Variants in CLCC1 observed in about 807,000 individuals in gnomAD.
CLCC1 encodes the protein chloride channel CLIC-like protein 1.
CLCC1 carries 39 observed loss-of-function variants against 63.3 expected under a neutral mutation model. That is an observed-to-expected ratio of 0.62 (90% CI 0.48 to 0.81). The LOEUF is 0.81. CLCC1 is among the 30% of genes least tolerant of loss of function. CLCC1 has a pLI of 0.00. For missense variants in CLCC1, 549 were observed against 669.4 expected (o/e 0.82, Z 1.98); for synonymous variants, 217 against 239.8 (o/e 0.90, Z 0.88).
At chr1:108,942,901 T>TA (rs1046310013) in intron 7 of CLCC1, among the ~76,000 whole-genome samples, 2 of 152,120 alleles carry the variant, frequency 1.3e-5, no homozygotes, top group African/African-American at 4.8e-5. Flanking sequence ...TGTATCCACA[T>TA]AGCTTTATTC....
chr1:108,957,942 A>G (rs1656121717), intron 2 of CLCC1, among the ~76,000 whole-genome samples: 1 of 151,408 alleles, frequency 6.6e-6, no homozygotes, highest in Admixed American at 6.5e-5. Context: ...GATCAGAAAG[A>G]AGAGGAGGAA....
rs772657675 is a variant in CLCC1, at chr1:108,939,633, A to C, written c.1041+3T>G. On this transcript the variant is annotated splice_donor_region_variant and intron_variant, in intron 10 of 12. Coordinates refer to ENST00000369969, the MANE Select transcript of CLCC1 (RefSeq NM_001377458.1). Reference sequence around the variant, plus strand: ...CCGACAGTGCTAATATATTAATACTAACCAGGATGGCTAATGCCATAATTA... The same window carrying C: ...CCGACAGTGCTAATATATTAATACTCACCAGGATGGCTAATGCCATAATTA... 52 of 1,613,668 alleles carry C rather than the reference A, an allele frequency of 3.2e-5. No homozygotes were observed. The Admixed American group carries it at 8.7e-4, about 27-fold the overall frequency.
chr1:108,943,033 C>G (rs1654041959), intron 7 of CLCC1, among the ~76,000 whole-genome samples: 1 of 152,060 alleles, frequency 6.6e-6, no homozygotes, highest in Non-Finnish European at 1.5e-5. Context: ...CCTCAGCCTG[C>G]TGAGTAGCTG....
At chr1:108,934,576 A>C in intron 12 of CLCC1, 49 bp downstream of exon 12, 1 of 1,434,476 alleles carries the variant, frequency 7.0e-7, no homozygotes, top group Non-Finnish European at 9.4e-7. Context: ...CCTTTGTAGT[A>C]ATCAGAATTC....
rs777860783 is a variant in CLCC1 at position 108,950,457 on chromosome 1, ATTT to A, written c.-11-12_-11-10del. The A allele has an allele frequency of 2.0e-6, 3 of 1,474,252 alleles. No individual in the cohort carries two copies. The highest frequency in any genetic ancestry group is 2.7e-6 in the Non-Finnish European group (3 of 1,101,062). The allele number at this position is 1,474,252 out of a possible 1,614,324, so 91.3% of individuals were successfully genotyped here. ...CAGCATCCTGTATAAGGCTAAAACAATTTTTAATATATATAATGAAATAGAATT... is the reference window on the plus strand; with the variant it reads ...CAGCATCCTGTATAAGGCTAAAACAATTAATATATATAATGAAATAGAATT... On this transcript the variant is annotated splice_polypyrimidine_tract_variant and intron_variant, in intron 2 of 12. Coordinates refer to ENST00000369969, the MANE Select transcript of CLCC1 (RefSeq NM_001377458.1).
chr1:108,941,276 T>C (rs1412337926), intron 8 of CLCC1, 129 bp downstream of exon 8: 3 of 815,732 alleles, frequency 3.7e-6, no homozygotes, highest in Admixed American at 2.6e-5. Context: ...AAATGCTTCT[T>C]GCATGTTCTT....
chr1:108,950,190 G>T, intron 3 of CLCC1, 119 bp downstream of exon 3: 1 of 1,003,222 alleles, frequency 1.0e-6, no homozygotes. Flanking sequence ...AAAATATTCT[G>T]CATAATTGCT....
chr1:108,939,933 AT>A, intron 9 of CLCC1, 111 bp downstream of exon 9: 1 of 1,277,812 alleles, frequency 7.8e-7, no homozygotes, highest in Non-Finnish European at 1.1e-6. Context: ...GTGCAAAAGT[AT>A]TTTTTCTTGG....
intron 7 of CLCC1, 123 bp from the exon 8 acceptor site, chr1:108,941,621 T>C: frequency 2.0e-6 from 1 of 503,902 alleles, no homozygotes; most frequent in East Asian, 3.4e-5. Context: ...GTTATAAATT[T>C]TTAATTAAAA....
intron 4 of CLCC1, among the ~76,000 whole-genome samples, chr1:108,948,559 G>A (rs531264799): frequency 6.6e-6 from 1 of 151,760 alleles, no homozygotes; most frequent in Non-Finnish European, 1.5e-5. Flanking sequence ...ACTGAGCAGA[G>A]AAGGAAATAG....
Position 108,937,074 on chromosome 1 carries a change from T to TA in CLCC1, c.1383+2dup, listed in dbSNP as rs1461500382. 4.0e-6 allele frequency: 6 copies of TA among 1,486,106 alleles called. No individual in the cohort carries two copies. Among genetic ancestry groups the TA allele is most frequent in the South Asian group, 1.5e-5 (1 of 68,526 alleles). The allele number at this position is 1,486,106 out of a possible 1,614,324, so 92.1% of individuals were successfully genotyped here. ...CAGCAGAATAAAAGAGTTGCTGACT[T>TA]ACACTGGGTACCACCGTGGGATGCT... On this transcript the variant is annotated splice_region_variant and intron_variant, in intron 11 of 12. Transcript: ENST00000369969.
At position 108,941,573 on chromosome 1, in the gene CLCC1, A is replaced by G. The variant is rs978857523; in HGVS notation, c.703-75T>C. 4 of 988,342 alleles carry G rather than the reference A, an allele frequency of 4.0e-6. No individual in the cohort carries two copies. In the African/African-American group the frequency reaches 6.5e-5, roughly 16 times the overall value. The allele number at this position is 988,342 out of a possible 1,614,324, so 61.2% of individuals were successfully genotyped here. On this transcript the variant is annotated intron_variant, in intron 7 of 12. Transcript: ENST00000369969. ...AGGCCTACACATCCAAAAGACCTTC[A>G]TTCAAAGAGTGTCTTTACCATTCAT... is the stretch of plus-strand genomic sequence containing the variant.
chr1:108,942,412 CTG>C (rs781658256), intron 7 of CLCC1, among the ~76,000 whole-genome samples: 2 of 152,196 alleles, frequency 1.3e-5, no homozygotes, highest in Non-Finnish European at 2.9e-5. Context: ...CACACAGAAT[CTG>C]TGTTTAATTT....
intron 2 of CLCC1, among the ~76,000 whole-genome samples, chr1:108,954,325 A>AAAC (rs138923925): frequency 0.32 from 48,675 of 149,826 alleles, 8,558 homozygotes; most frequent in East Asian, 0.39. Flanking sequence ...GTCTCTAATA[A>AAAC]AACAACAACA....
Position 108,963,236 on chromosome 1 carries a change from C to G in CLCC1, c.-173+125G>C, listed in dbSNP as rs989180035. Reference sequence around the variant, plus strand: ...GCGGACGCACGCAGCTAGCACGGTCCCCGCCCCGGGTCGCGCCTGCGGCCT... The same window carrying G: ...GCGGACGCACGCAGCTAGCACGGTCGCCGCCCCGGGTCGCGCCTGCGGCCT... On this transcript the variant is annotated intron_variant, in intron 1 of 12. Transcript: ENST00000369969. 14 of 601,842 alleles carry G rather than the reference C, an allele frequency of 2.3e-5. 1 individual carries two copies. The South Asian group carries it at 2.6e-4, about 11-fold the overall frequency. The allele number at this position is 601,842 out of a possible 1,614,324, so 37.3% of individuals were successfully genotyped here. A position where few individuals can be genotyped will look rare whatever the true frequency, so the allele number is the denominator to read the frequency against.
intron 2 of CLCC1, among the ~76,000 whole-genome samples, chr1:108,952,897 G>GC (rs372021596): frequency 9.2e-5 from 14 of 151,838 alleles, no homozygotes; most frequent in African/African-American, 3.4e-4. Context: ...CCTTACCTAA[G>GC]CCCCTGCATA....
chr1:108,958,707 C>T (rs531724658), intron 2 of CLCC1, among the ~76,000 whole-genome samples: 5 of 150,996 alleles, frequency 3.3e-5, no homozygotes, highest in South Asian at 2.1e-4. Context: ...GGCGAAACCC[C>T]GTCTCTACTA....
intron 2 of CLCC1, among the ~76,000 whole-genome samples, chr1:108,961,196 T>G (rs72984666): frequency 3.3e-5 from 5 of 150,926 alleles, no homozygotes; most frequent in Admixed American, 2.6e-4. Flanking sequence ...TGGTCACTGA[T>G]TGAAGGCTGG....
At chr1:108,957,555 C>T (rs977702641) in intron 2 of CLCC1, among the ~76,000 whole-genome samples, 1 of 151,468 alleles carries the variant, frequency 6.6e-6, no homozygotes, top group African/African-American at 2.5e-5. Flanking sequence ...GGGTTTATTT[C>T]TTATAACATC....
Sources: allele counts gnomAD v4.1 joint callset (sites outside exome capture counted in the v4.1 genomes callset), GRCh38; gene constraint gnomAD v4.1.1; transcripts MANE v1.5; gene names NCBI Gene and HGNC (gene_info 2026-07-23, HGNC 2026-07-21).